The following GALNT10 variants were observed in gnomAD, a reference collection of about 807,000 sequenced individuals.
GALNT10 encodes the protein GalNAc transferase 10.
GALNT10 carries 41 observed loss-of-function variants against 75.0 expected under a neutral mutation model. That is an observed-to-expected ratio of 0.55 (90% CI 0.43 to 0.71). GALNT10 has a LOEUF of 0.71. GALNT10 is among the 30% of genes least tolerant of loss of function. The pLI, the probability that GALNT10 is intolerant of heterozygous loss-of-function variation, is 0.00. For synonymous variants in GALNT10, 302 were observed against 313.0 expected (o/e 0.96, Z 0.37); for missense variants, 727 against 818.5 (o/e 0.89, Z 1.36).
rs71585928 is a variant in GALNT10 at position 154,252,979 on chromosome 5, T to G, written c.160-41837T>G. Among the ~76,000 whole-genome samples, 26 of 120,606 alleles carry G rather than the reference T, an allele frequency of 2.2e-4. 1 individual carries two copies. The South Asian group carries it at 5.3e-3, about 25-fold the overall frequency. 79.1% of individuals were successfully genotyped at this position (120,606 alleles called of 152,430 possible). On this transcript the variant is annotated intron_variant, in intron 1 of 11. Coordinates refer to ENST00000297107, the MANE Select transcript of GALNT10 (RefSeq NM_198321.4). Reference sequence around the variant, plus strand: ...TGGGGCATTAACTGTTTTTTGTTTGTTTGGTTGGTTGGTTTTTTAGTGGTT... The same window carrying G: ...TGGGGCATTAACTGTTTTTTGTTTGGTTGGTTGGTTGGTTTTTTAGTGGTT...
Position 154,404,217 on chromosome 5 carries a change from G to T in GALNT10, c.1164+6G>T, listed in dbSNP as rs1269656349. 2.6e-6 allele frequency: 4 copies of T among 1,568,174 alleles called. No individual in the cohort carries two copies. The highest frequency in any genetic ancestry group is 3.5e-6 in the Non-Finnish European group (4 of 1,151,930). On this transcript the variant is annotated splice_donor_region_variant and intron_variant, in intron 8 of 11. Coordinates refer to ENST00000297107, the MANE Select transcript of GALNT10 (RefSeq NM_198321.4). ...CCGGAGTCAGCCTGGCCCGGGTAAG[G>T]TGGTGGCTTTCCTTGGCGGGTAGAA... is the stretch of plus-strand genomic sequence containing the variant.
intron 1 of GALNT10, among the ~76,000 whole-genome samples, chr5:154,263,980 C>CTT (rs763406486): frequency 7.2e-5 from 11 of 152,204 alleles, no homozygotes; most frequent in Non-Finnish European, 1.5e-4. Flanking sequence ...GAATTGTATG[C>CTT]TTTAAAAGGG....
Position 154,298,544 on chromosome 5 carries a change from G to A in GALNT10, c.401+465G>A, listed in dbSNP as rs945296489. Among the ~76,000 whole-genome samples the A allele has an allele frequency of 3.3e-5, 5 of 152,100 alleles. No individual in the cohort carries two copies. The highest frequency in any genetic ancestry group is 4.8e-5 in the African/African-American group (2 of 41,392). On this transcript the variant is annotated intron_variant, in intron 3 of 11. Transcript: ENST00000297107. The surrounding 1 kb of genome is among the most constrained non-coding windows in gnomAD (Gnocchi z 4.1). ...AATGGCATCTAACATTCTTTGAACC[G>A]GTACTATGTGCCAAACGCTTTATTT...
At chr5:154,221,319 G>C (rs1752974836) in intron 1 of GALNT10, among the ~76,000 whole-genome samples, 1 of 152,144 alleles carries the variant, frequency 6.6e-6, no homozygotes, top group Non-Finnish European at 1.5e-5. Context: ...GGGAGCACTG[G>C]GAAGGCCCCA....
At chr5:154,405,607 G>A (rs184427818) in intron 8 of GALNT10, among the ~76,000 whole-genome samples, 1 of 152,242 alleles carries the variant, frequency 6.6e-6, no homozygotes, top group East Asian at 1.9e-4. Flanking sequence ...AAGGGACCAT[G>A]GGGACACTCC....
chr5:154,211,775 C>T (rs931509824), intron 1 of GALNT10, among the ~76,000 whole-genome samples: 8 of 152,044 alleles, frequency 5.3e-5, no homozygotes, highest in African/African-American at 1.4e-4. Context: ...GGAAGGAGAC[C>T]GCAGTTCCTC....
chr5:154,287,289 G>A (rs1010715531), intron 1 of GALNT10, among the ~76,000 whole-genome samples: 13 of 152,204 alleles, frequency 8.5e-5, no homozygotes, highest in East Asian at 1.9e-4. Flanking sequence ...CTTATTGCTC[G>A]TGACTCACTT....
At chr5:154,206,883 A>G (rs13162836) in intron 1 of GALNT10, among the ~76,000 whole-genome samples, 67,426 of 152,138 alleles carry the variant, frequency 0.44, 15,791 homozygotes, top group East Asian at 0.78. Context: ...AAAGGTAACT[A>G]CGGCAACGCA....
intron 7 of GALNT10, among the ~76,000 whole-genome samples, chr5:154,400,250 C>T (rs762236548): frequency 1.3e-5 from 2 of 152,154 alleles, no homozygotes; most frequent in African/African-American, 4.8e-5. Flanking sequence ...CTTCCAGGTG[C>T]TCAAACAGGT....
rs553217682 is a variant in GALNT10 at position 154,409,409 on chromosome 5, G to T, written c.1165-132G>T. 8 of 753,624 alleles carry T rather than the reference G, an allele frequency of 1.1e-5. No individual in the cohort carries two copies. Among genetic ancestry groups the T allele is most frequent in the Non-Finnish European group, 2.0e-5 (8 of 408,666 alleles). 46.7% of individuals were successfully genotyped at this position (753,624 alleles called of 1,614,324 possible). ...AGAAACACAGAAGGCCTAAACTCAC[G>T]GTGGGGCTGGGATTTTTGATGGAAC... On this transcript the variant is annotated intron_variant, in intron 8 of 11. Coordinates refer to ENST00000297107, the MANE Select transcript of GALNT10 (RefSeq NM_198321.4). The surrounding 1 kb of genome is among the most constrained non-coding windows in gnomAD (Gnocchi z 4.5).
intron 1 of GALNT10, among the ~76,000 whole-genome samples, chr5:154,202,213 C>T (rs1238447105): frequency 6.6e-6 from 1 of 152,164 alleles, no homozygotes; most frequent in African/African-American, 2.4e-5. Context: ...CATAGCCACT[C>T]ATGTCTCTGA....
At chr5:154,294,975 CTTGTGT>C (rs2113074846) in intron 2 of GALNT10, 57 bp downstream of exon 2, 1 of 778,736 alleles carries the variant, frequency 1.3e-6, no homozygotes, top group Non-Finnish European at 2.2e-6. Context: ...TGCACATATG[CTTGTGT>C]GTGTGTGTGT....
chr5:154,245,742 A>G (rs1038944740), intron 1 of GALNT10, among the ~76,000 whole-genome samples: 20 of 152,048 alleles, frequency 1.3e-4, no homozygotes, highest in Non-Finnish European at 1.8e-4. Flanking sequence ...TCAATAAACA[A>G]TGGAAATGGT....
intron 1 of GALNT10, among the ~76,000 whole-genome samples, chr5:154,270,320 T>C (rs1384009451): frequency 6.7e-6 from 1 of 150,032 alleles, no homozygotes; most frequent in Non-Finnish European, 1.5e-5. Context: ...CTTAGTTCTA[T>C]GTAGTCTAAT....
chr5:154,279,492 G>A (rs575592692), intron 1 of GALNT10, among the ~76,000 whole-genome samples: 213 of 151,736 alleles, frequency 1.4e-3, no homozygotes, highest in Admixed American at 2.8e-3. Context: ...TAGTAGAGAC[G>A]GGGTTTCACC....
chr5:154,403,358 C>G (rs950158198), intron 7 of GALNT10, among the ~76,000 whole-genome samples: 1 of 152,132 alleles, frequency 6.6e-6, no homozygotes, highest in Non-Finnish European at 1.5e-5. Flanking sequence ...GCTATCAGAC[C>G]AGTGGGCAAA....
At chr5:154,194,555 G>C (rs1350323758) in intron 1 of GALNT10, among the ~76,000 whole-genome samples, 1 of 152,174 alleles carries the variant, frequency 6.6e-6, no homozygotes, top group African/African-American at 2.4e-5. Context: ...AAGGAGTCCA[G>C]CTGAGGAAGG....
chr5:154,271,566 G>A lies in GALNT10; in HGVS notation c.160-23250G>A, dbSNP rs568871336. On this transcript the variant is annotated intron_variant, in intron 1 of 11. Transcript: ENST00000297107. ...TAAGTCCAAGGGGTTGTGTGTGGGT[G>A]TGTCTGTCTGTCTGTCCTTCTCATT... Among the ~76,000 whole-genome samples the A allele has an allele frequency of 4.6e-5, 7 of 152,346 alleles. No individual in the cohort carries two copies. In the South Asian group the frequency reaches 1.4e-3, roughly 32 times the overall value.
At chr5:154,207,948 A>G (rs530332639) in intron 1 of GALNT10, among the ~76,000 whole-genome samples, 55 of 152,178 alleles carry the variant, frequency 3.6e-4, no homozygotes, top group African/African-American at 1.2e-3. Flanking sequence ...TCAATAGTTG[A>G]AAGAGATCGG....
Sources: gnomAD v4.1 joint callset for allele counts (sites outside exome capture counted in the v4.1 genomes callset) on GRCh38, gnomAD v4.1.1 for gene constraint, Gnocchi (gnomAD v3.1) non-coding constraint, MANE v1.5 for transcripts, NCBI Gene and HGNC (gene_info 2026-07-23, HGNC 2026-07-21) for gene names.